The following ZDHHC3 variants were observed in gnomAD, a reference collection of about 807,000 sequenced individuals.
The protein encoded by ZDHHC3 is zDHHC palmitoyltransferase 3.
Under a neutral mutation model 30.6 loss-of-function variants are expected in ZDHHC3, and 9 were observed. That is an observed-to-expected ratio of 0.29 (90% CI 0.18 to 0.51). The LOEUF is 0.51. Ranked by LOEUF, ZDHHC3 falls within the 20% of genes least tolerant of loss-of-function variation. The pLI is 0.97. For missense variants in ZDHHC3, 246 were observed against 384.2 expected (o/e 0.64, Z 3.01); for synonymous variants, 136 against 140.2 (o/e 0.97, Z 0.21).
At chr3:44,960,198 A>T (rs1704349098) in intron 1 of ZDHHC3, among the ~76,000 whole-genome samples, 1 of 152,192 alleles carries the variant, frequency 6.6e-6, no homozygotes, top group Non-Finnish European at 1.5e-5. Context: ...AAGGGGAGAG[A>T]GTTCAAAGAT....
intron 1 of ZDHHC3, among the ~76,000 whole-genome samples, chr3:44,961,087 A>C (rs903696394): frequency 6.6e-6 from 1 of 152,236 alleles, no homozygotes; most frequent in Non-Finnish European, 1.5e-5. Context: ...AAGTCATGAC[A>C]CATAGAGATA....
At chr3:44,971,282 C>T (rs981645416) in intron 1 of ZDHHC3, among the ~76,000 whole-genome samples, 10 of 152,214 alleles carry the variant, frequency 6.6e-5, no homozygotes, top group African/African-American at 2.4e-4. Flanking sequence ...TCAATACATA[C>T]TACGAAGTCT....
intron 2 of ZDHHC3, among the ~76,000 whole-genome samples, chr3:44,947,533 C>T (rs1365132226): frequency 6.6e-6 from 1 of 152,210 alleles, no homozygotes; most frequent in Non-Finnish European, 1.5e-5. Context: ...ACATAGACAA[C>T]TTGCAGAAAG....
intron 1 of ZDHHC3, among the ~76,000 whole-genome samples, chr3:44,971,650 C>T (rs1012629273): frequency 3.3e-5 from 5 of 152,118 alleles, no homozygotes; most frequent in East Asian, 1.9e-4. Flanking sequence ...GATCTGTTAC[C>T]CCCTTTTCTC....
intron 3 of ZDHHC3, among the ~76,000 whole-genome samples, chr3:44,943,062 A>C (rs1702584305): frequency 6.6e-6 from 1 of 152,206 alleles, no homozygotes; most frequent in Non-Finnish European, 1.5e-5. Flanking sequence ...GCTCACCCAC[A>C]GACAGAAACC....
Position 44,921,022 on chromosome 3 carries a change from A to G in ZDHHC3, c.*5667T>C. On this transcript the variant is annotated 3_prime_UTR_variant, in exon 7 of 7. Coordinates refer to ENST00000424952, the MANE Select transcript of ZDHHC3 (RefSeq NM_001135179.2). Reference sequence around the variant, plus strand: ...CAAAGTTCTTAAGCTTGAGGTTTGCAGAGGAGCAGTAATAGTAGCTTCAGG... The same window carrying G: ...CAAAGTTCTTAAGCTTGAGGTTTGCGGAGGAGCAGTAATAGTAGCTTCAGG... The G allele has an allele frequency of 1.0e-6, 1 of 985,480 alleles. No homozygotes were observed. The highest frequency in any genetic ancestry group is 1.2e-6 in the Non-Finnish European group (1 of 829,946). The allele number at this position is 985,480 out of a possible 1,614,324, so 61.0% of individuals were successfully genotyped here. A position where few individuals can be genotyped will look rare whatever the true frequency, so the allele number is the denominator to read the frequency against.
At chr3:44,935,428 C>G (rs972408297) in intron 3 of ZDHHC3, among the ~76,000 whole-genome samples, 13 of 152,308 alleles carry the variant, frequency 8.5e-5, no homozygotes, top group Non-Finnish European at 1.2e-4. Flanking sequence ...CGCCACCACA[C>G]CCAGCTAATT....
At chr3:44,935,590 T>C (rs1447284356) in intron 3 of ZDHHC3, among the ~76,000 whole-genome samples, 1 of 152,252 alleles carries the variant, frequency 6.6e-6, no homozygotes, top group Non-Finnish European at 1.5e-5. Flanking sequence ...CCACTAGCTA[T>C]GTGGGCTCTA....
chr3:44,963,499 G>GC (rs1374357048), intron 1 of ZDHHC3, among the ~76,000 whole-genome samples: 3 of 65,412 alleles, frequency 4.6e-5, no homozygotes, highest in Non-Finnish European at 9.5e-5. Flanking sequence ...GAGAAATATG[G>GC]CAAAAAAAAA....
intron 2 of ZDHHC3, among the ~76,000 whole-genome samples, chr3:44,946,027 CCTTTCT>C (rs1359504218): frequency 6.6e-6 from 1 of 152,176 alleles, no homozygotes; most frequent in Non-Finnish European, 1.5e-5. Context: ...ACAGCTTCTC[CCTTTCT>C]AAGTTTCACT....
rs1042590383 is a variant in ZDHHC3, at chr3:44,917,705, C to T, written c.*8984G>A. The T allele has an allele frequency of 1.9e-5, 10 of 525,660 alleles. No homozygotes were observed. Among genetic ancestry groups the T allele is most frequent in the Non-Finnish European group, 3.0e-5 (10 of 333,558 alleles). 32.6% of individuals were successfully genotyped at this position (525,660 alleles called of 1,614,324 possible). On this transcript the variant is annotated 3_prime_UTR_variant, in exon 7 of 7. Transcript: ENST00000424952. ...CCCATCCTCCTCTGATGTCCCCAGC[C>T]TACTCCCGACCCCCAGACCTGGCCC...
At chr3:44,970,121 C>A (rs932237251) in intron 1 of ZDHHC3, among the ~76,000 whole-genome samples, 1 of 152,188 alleles carries the variant, frequency 6.6e-6, no homozygotes, top group Non-Finnish European at 1.5e-5. Flanking sequence ...CCAGTTATTG[C>A]AACTGTACTA....
At chr3:44,955,322 T>A (rs1488360228) in intron 2 of ZDHHC3, among the ~76,000 whole-genome samples, 1 of 152,136 alleles carries the variant, frequency 6.6e-6, no homozygotes, top group Non-Finnish European at 1.5e-5. Context: ...ACCTATCTAC[T>A]GCTACATTGG....
chr3:44,919,782 A>C lies in ZDHHC3; in HGVS notation c.*6907T>G. 1 of 720,954 alleles carries C rather than the reference A, an allele frequency of 1.4e-6. No individual in the cohort carries two copies. Among genetic ancestry groups the C allele is most frequent in the Non-Finnish European group, 1.7e-6 (1 of 588,756 alleles). The allele number at this position is 720,954 out of a possible 1,614,324, so 44.7% of individuals were successfully genotyped here. On this transcript the variant is annotated 3_prime_UTR_variant, in exon 7 of 7. Transcript: ENST00000424952. Reference sequence around the variant, plus strand: ...GTTTACCTTTGGTGAGACTGACTGAAAGGTACATGGGAACTCTTTGTACTG... The same window carrying C: ...GTTTACCTTTGGTGAGACTGACTGACAGGTACATGGGAACTCTTTGTACTG...
In ZDHHC3 at chr3:44,916,452, A is replaced by G. The variant is rs1575735986; in HGVS notation, c.*10237T>C. On this transcript the variant is annotated 3_prime_UTR_variant, in exon 7 of 7. Transcript: ENST00000424952. ...AAACACTGACCTTCTTCTCCTCTGA[A>G]CTGCAGCCACAGGCCCCTTGGGGCC... The G allele has an allele frequency of 6.6e-6, 1 of 152,194 alleles. No individual in the cohort carries two copies. The highest frequency in any genetic ancestry group is 2.4e-5 in the African/African-American group (1 of 41,428). 9.4% of individuals were successfully genotyped at this position (152,194 alleles called of 1,614,324 possible). A position where few individuals can be genotyped will look rare whatever the true frequency, so the allele number is the denominator to read the frequency against.
chr3:44,965,199 C>T (rs1395434953), intron 1 of ZDHHC3, among the ~76,000 whole-genome samples: 1 of 152,152 alleles, frequency 6.6e-6, no homozygotes, highest in South Asian at 2.1e-4. Flanking sequence ...CTAAAAGCAA[C>T]AACAAAAACT....
intron 5 of ZDHHC3, among the ~76,000 whole-genome samples, chr3:44,929,731 G>A (rs1363627784): frequency 1.3e-5 from 2 of 152,236 alleles, no homozygotes; most frequent in African/African-American, 4.8e-5. Context: ...CCTGACACAT[G>A]GAAGGGCCCA....
In ZDHHC3 at chr3:44,925,263, A is replaced by G. The variant is rs1421496193; in HGVS notation, c.*1426T>C. 8.1e-6 allele frequency: 8 copies of G among 985,898 alleles called. 1 individual carries two copies. The South Asian group carries it at 2.3e-4, about 29-fold the overall frequency. 61.1% of individuals were successfully genotyped at this position (985,898 alleles called of 1,614,324 possible). ...CATGTTCCACTTACTTTTCTGAAAA[A>G]TCACATGGCTAGATTAACTTTCGCC... On this transcript the variant is annotated 3_prime_UTR_variant, in exon 7 of 7. Transcript: ENST00000424952.
chr3:44,960,927 A>G (rs1002621018), intron 1 of ZDHHC3, among the ~76,000 whole-genome samples: 1 of 152,268 alleles, frequency 6.6e-6, no homozygotes, highest in East Asian at 1.9e-4. Flanking sequence ...AAAGTTGCAC[A>G]GACTAATAAT....
Sources: allele counts gnomAD v4.1 joint callset (sites outside exome capture counted in the v4.1 genomes callset), GRCh38; gene constraint gnomAD v4.1.1; transcripts MANE v1.5; gene names NCBI Gene and HGNC (gene_info 2026-07-23, HGNC 2026-07-21).